The following ABCA1 variants were observed in gnomAD, a reference collection of about 807,000 sequenced individuals.
ABCA1 encodes the protein phospholipid-transporting ATPase ABCA1.
In ABCA1, 133 loss-of-function variants were observed where a neutral mutation model predicts 262.5. The observed-to-expected ratio is 0.51, with a 90% CI of 0.44 to 0.59. ABCA1 has a LOEUF of 0.59. Ranked by LOEUF, ABCA1 falls within the 20% of genes least tolerant of loss-of-function variation. The pLI, the probability that ABCA1 is intolerant of heterozygous loss-of-function variation, is 0.00. For missense variants in ABCA1, 2,452 were observed against 2,777.5 expected (o/e 0.88, Z 2.63); for synonymous variants, 1,022 against 1,043.5 (o/e 0.98, Z 0.40).
chr9:104,825,537 C>T, intron 17 of ABCA1, 146 bp downstream of exon 17: 1 of 793,224 alleles, frequency 1.3e-6, no homozygotes, highest in Non-Finnish European at 2.2e-6. Flanking sequence ...TCAGCATCAG[C>T]TGCCTGTCCT....
chr9:104,891,461 G>A (rs1440598273), intron 2 of ABCA1, among the ~76,000 whole-genome samples: 1 of 151,724 alleles, frequency 6.6e-6, no homozygotes, highest in African/African-American at 2.4e-5. Flanking sequence ...ATGGGCATGG[G>A]GGTGTATGCC....
chr9:104,848,477 T>C (rs1045421666), intron 7 of ABCA1, among the ~76,000 whole-genome samples: 1 of 152,072 alleles, frequency 6.6e-6, no homozygotes, highest in African/African-American at 2.4e-5. Flanking sequence ...TAGCCAGGCA[T>C]GGTGGCATGT....
intron 5 of ABCA1, among the ~76,000 whole-genome samples, chr9:104,873,517 T>C (rs556388771): frequency 6.6e-6 from 1 of 152,350 alleles, no homozygotes; most frequent in African/African-American, 2.4e-5. Context: ...CCATGCCCCA[T>C]GTCCTGTGAC....
chr9:104,917,748 G>T lies in ABCA1; in HGVS notation c.-93+10187C>A, dbSNP rs191361496. Among the ~76,000 whole-genome samples the T allele has an allele frequency of 4.2e-3, 629 of 150,700 alleles. 1 individual carries two copies. The highest frequency in any genetic ancestry group is 6.1e-3 in the Non-Finnish European group (413 of 67,684). ...CAGCCTGGGCAACAGAGCAAGACTC[G>T]TCTCAAAAAAAAAAAGGAGTAAGCT... On this transcript the variant is annotated intron_variant, in intron 1 of 49. Coordinates refer to ENST00000374736, the MANE Select transcript of ABCA1 (RefSeq NM_005502.4).
intron 11 of ABCA1, among the ~76,000 whole-genome samples, chr9:104,834,548 C>A (rs1205679726): frequency 6.7e-6 from 1 of 148,456 alleles, no homozygotes; most frequent in Non-Finnish European, 1.5e-5. Context: ...GTCGGCCCTG[C>A]CCAGTATGGT....
At chr9:104,921,946 T>A (rs1449594590) in intron 1 of ABCA1, among the ~76,000 whole-genome samples, 1 of 152,170 alleles carries the variant, frequency 6.6e-6, no homozygotes, top group African/African-American at 2.4e-5. Context: ...GAGAAGGGGA[T>A]CTTACTTTCA....
At chr9:104,810,777 T>C (rs760173082) in intron 29 of ABCA1, 23 bp downstream of exon 29, 2 of 1,614,190 alleles carry the variant, frequency 1.2e-6, no homozygotes, top group Admixed American at 3.3e-5. Flanking sequence ...TACCCCCTCC[T>C]GGGATGTAGA....
rs1310242361 is a variant in ABCA1, at chr9:104,803,841, A to C, written c.4560-525T>G. ...AGGCTGGTCTCAAACTCCTGACCTC[A>C]AGTGATCCACCCGCCTTGGCCTCCT... On this transcript the variant is annotated intron_variant, in intron 32 of 49. Transcript: ENST00000374736. Among the ~76,000 whole-genome samples the C allele has an allele frequency of 2.0e-5, 3 of 152,134 alleles. No individual in the cohort carries two copies. In the East Asian group the frequency reaches 5.8e-4, roughly 29 times the overall value.
chr9:104,797,787 T>C (rs1012102179), intron 37 of ABCA1, among the ~76,000 whole-genome samples: 5 of 152,210 alleles, frequency 3.3e-5, no homozygotes, highest in Admixed American at 3.3e-4. Flanking sequence ...GAGAGTTATT[T>C]TTAAATATCC....
Position 104,822,585 on chromosome 9 carries a change from C to T in ABCA1, c.2739G>A (p.Lys913=), listed in dbSNP as rs1428183189. ...NLVKVYRDGM[K]VAVDGLALNF... ...TCAGTGCCAGGCCATCGACAGCCAC[C>T]TTCATCCCATCTCGGTAGACTTTTA... Residue 913 remains lysine (K), a synonymous_variant, in exon 19 of 50, where the codon AAG becomes AAA. Coordinates refer to ENST00000374736, the MANE Select transcript of ABCA1 (RefSeq NM_005502.4). 1 of 1,614,024 alleles carries T rather than the reference C, an allele frequency of 6.2e-7. No individual in the cohort carries two copies. Among genetic ancestry groups the T allele is most frequent in the Admixed American group, 1.7e-5 (1 of 60,002 alleles).
intron 2 of ABCA1, among the ~76,000 whole-genome samples, chr9:104,895,511 G>T (rs1039301831): frequency 6.6e-6 from 1 of 151,830 alleles, no homozygotes; most frequent in Non-Finnish European, 1.5e-5. Flanking sequence ...AAGGGTGAGG[G>T]TGGGGTGGGG....
At chr9:104,836,683 G>C (rs1245688061) in intron 11 of ABCA1, among the ~76,000 whole-genome samples, 1 of 152,180 alleles carries the variant, frequency 6.6e-6, no homozygotes, top group African/African-American at 2.4e-5. Context: ...AGCCAAAAAG[G>C]AAAATAGGGT....
Position 104,793,168 on chromosome 9 carries a change from C to T in ABCA1, c.5636+3G>A. ...GCTCCACGGGTTCTAAGAAAAAGCT[C>T]ACCTGGGCCTGATGAAGAATCTGTA... On this transcript the variant is annotated splice_donor_region_variant and intron_variant, in intron 41 of 49. Transcript: ENST00000374736. 6.2e-7 allele frequency: 1 copy of T among 1,614,044 alleles called. No individual in the cohort carries two copies. The highest frequency in any genetic ancestry group is 8.5e-7 in the Non-Finnish European group (1 of 1,179,974).
intron 31 of ABCA1, among the ~76,000 whole-genome samples, chr9:104,805,597 T>C (rs1830692629): frequency 6.6e-6 from 1 of 152,156 alleles, no homozygotes; most frequent in Non-Finnish European, 1.5e-5. Context: ...CACAGGAGTT[T>C]TCTGGTCCAG....
chr9:104,806,389 G>A lies in ABCA1; in HGVS notation c.4316C>T (p.Ala1439Val). The A allele has an allele frequency of 1.9e-6, 3 of 1,614,170 alleles. No homozygotes were observed. The highest frequency in any genetic ancestry group is 2.5e-6 in the Non-Finnish European group (3 of 1,180,052). ...GTCCATGATGGTCTGGGGAACTGGG[G>A]CAGTGGTCCACTCTTCCTCCCCTGC... ...CQAGEEEWTT[A>V]PVPQTIMDLF... Residue 1439 changes from alanine (A) to valine (V), a missense_variant, in exon 31 of 50, where the codon GCC becomes GTC. Physicochemically the swap from Ala to Val is moderately conservative, Grantham distance 64. Around this residue, in one of 4 missense-constraint regions of ABCA1, gnomAD observed 665 missense variants for 727.3 expected, o/e 0.91. Transcript: ENST00000374736.
At position 104,858,510 on chromosome 9, in the gene ABCA1, A is replaced by G. The variant is rs774118431; in HGVS notation, c.720+12T>C. On this transcript the variant is annotated intron_variant, in intron 7 of 49. Coordinates refer to ENST00000374736, the MANE Select transcript of ABCA1 (RefSeq NM_005502.4). ...AGTGCTTGAAGTTTCTCCAGTGAGC[A>G]AGTCTACTCACCAGGATTGGCTTCA... is the stretch of plus-strand genomic sequence containing the variant. The G allele has an allele frequency of 8.6e-5, 138 of 1,613,118 alleles. No individual in the cohort carries two copies. The highest frequency in any genetic ancestry group is 1.1e-4 in the Non-Finnish European group (129 of 1,179,890).
intron 9 of ABCA1, 26 bp from the exon 10 acceptor site, chr9:104,837,593 C>T (rs2119024867): frequency 6.2e-7 from 1 of 1,613,008 alleles, no homozygotes; most frequent in Non-Finnish European, 8.5e-7. Context: ...GAGACAAATG[C>T]TCATATGCAT....
At chr9:104,831,304 G>C (rs1833301083) in intron 13 of ABCA1, among the ~76,000 whole-genome samples, 1 of 150,774 alleles carries the variant, frequency 6.6e-6, no homozygotes, top group African/African-American at 2.4e-5. Flanking sequence ...TGCAACCTCT[G>C]CCTCCTGGGT....
At chr9:104,833,844 A>G (rs1833563128) in intron 11 of ABCA1, among the ~76,000 whole-genome samples, 2 of 152,216 alleles carry the variant, frequency 1.3e-5, no homozygotes, top group Non-Finnish European at 2.9e-5. Flanking sequence ...GGTCAACACG[A>G]AAGAGAAGGA....
Sources: gnomAD v4.1 joint callset for allele counts (sites outside exome capture counted in the v4.1 genomes callset) on GRCh38, gnomAD v4.1.1 for gene constraint, gnomAD v4.1.1 regional missense constraint, MANE v1.5 for transcripts, NCBI Gene and HGNC (gene_info 2026-07-23, HGNC 2026-07-21) for gene names.